The following TRDN variants were observed in gnomAD, a reference collection of about 807,000 sequenced individuals.
TRDN encodes the protein triadin.
TRDN carries 161 observed loss-of-function variants against 149.7 expected under a neutral mutation model. The ratio of observed to expected loss-of-function variants is 1.08; its 90% CI spans 0.95 to 1.23. TRDN has a LOEUF of 1.23. TRDN is among the 50% of genes most tolerant of loss of function. The probability of loss-of-function intolerance (pLI) is 0.00; values close to 1 mark genes in which losing one functional copy is unlikely to be tolerated. For synonymous variants in TRDN, 294 were observed against 250.5 expected (o/e 1.17, Z -1.64); for missense variants, 896 against 823.5 (o/e 1.09, Z -1.08).
At chr6:123,270,878 C>G (rs1246890311) in intron 30 of TRDN, among the ~76,000 whole-genome samples, 1 of 151,962 alleles carries the variant, frequency 6.6e-6, no homozygotes, top group Non-Finnish European at 1.5e-5. Flanking sequence ...TATAGATTTT[C>G]TCATGAATTA....
At chr6:123,576,366 C>G (rs967874887) in intron 1 of TRDN, among the ~76,000 whole-genome samples, 5 of 151,956 alleles carry the variant, frequency 3.3e-5, no homozygotes, top group Non-Finnish European at 7.4e-5. Context: ...ACCTTTTCTC[C>G]CAGGTTTTTG....
At chr6:123,225,014 T>A (rs1324142401) in intron 38 of TRDN, among the ~76,000 whole-genome samples, 3 of 151,748 alleles carry the variant, frequency 2.0e-5, no homozygotes, top group African/African-American at 7.3e-5. Flanking sequence ...CAAAGGAGGT[T>A]GATACCTAAA....
chr6:123,265,186 T>C lies in TRDN; in HGVS notation c.1804+132A>G, dbSNP rs187791886. 11 of 644,932 alleles carry C rather than the reference T, an allele frequency of 1.7e-5. No homozygotes were observed. In the East Asian group the frequency reaches 2.4e-4, roughly 14 times the overall value. The allele number at this position is 644,932 out of a possible 1,614,324, so 40.0% of individuals were successfully genotyped here. A position where few individuals can be genotyped will look rare whatever the true frequency, so the allele number is the denominator to read the frequency against. On this transcript the variant is annotated intron_variant, in intron 33 of 40. Transcript: ENST00000334268. ...ATCCTTTGTCAACCAGACTCACTTA[T>C]ATGGTAATAGTATAATGGCTATTAC...
At chr6:123,543,595 T>G (rs1780962393) in intron 4 of TRDN, among the ~76,000 whole-genome samples, 1 of 152,170 alleles carries the variant, frequency 6.6e-6, no homozygotes. Flanking sequence ...TTTTTCCCTT[T>G]TATATTTCTT....
chr6:123,533,589 C>T (rs1373701200), intron 4 of TRDN, among the ~76,000 whole-genome samples: 1 of 152,038 alleles, frequency 6.6e-6, no homozygotes, highest in Non-Finnish European at 1.5e-5. Flanking sequence ...GCAGGAGCTA[C>T]CTTGCTCCTC....
rs1361020090 is a variant in TRDN, at chr6:123,217,788, C to T, written c.*813G>A. The T allele has an allele frequency of 2.6e-5, 4 of 151,980 alleles. No homozygotes were observed. The highest frequency in any genetic ancestry group is 9.7e-5 in the African/African-American group (4 of 41,432). 9.4% of individuals were successfully genotyped at this position (151,980 alleles called of 1,614,324 possible). ...AAATTTAGTGATTGATCTAAAATTT[C>T]ACCCAGGTGACATTTTTATTAAGAC... On this transcript the variant is annotated 3_prime_UTR_variant, in exon 41 of 41. Transcript: ENST00000334268.
chr6:123,517,869 T>C (rs1054722462), intron 5 of TRDN, among the ~76,000 whole-genome samples: 8 of 152,184 alleles, frequency 5.3e-5, no homozygotes, highest in Non-Finnish European at 1.2e-4. Flanking sequence ...ATTTCAGCAA[T>C]TCAATAATAA....
chr6:123,510,031 C>G (rs1416669461), intron 7 of TRDN: 4 of 152,036 alleles, frequency 2.6e-5, no homozygotes, highest in Non-Finnish European at 5.9e-5. Flanking sequence ...AGATTTCATA[C>G]ATCTATCACA....
chr6:123,235,947 T>G lies in TRDN; in HGVS notation c.1976-11816A>C, dbSNP rs1039005851. On this transcript the variant is annotated intron_variant, in intron 38 of 40. Coordinates refer to ENST00000334268, the MANE Select transcript of TRDN (RefSeq NM_006073.4). ...TATCCATTTGCCTGTTGAAGGACAT[T>G]TGGGTTATTTCCAGATTTGGCGATT... is the stretch of plus-strand genomic sequence containing the variant. 2.6e-5 allele frequency among the ~76,000 whole-genome samples: 4 copies of G among 152,212 alleles called. No homozygotes were observed. The South Asian group carries it at 8.3e-4, about 31-fold the overall frequency.
intron 1 of TRDN, among the ~76,000 whole-genome samples, chr6:123,586,568 G>A (rs952298502): frequency 6.6e-6 from 1 of 152,182 alleles, no homozygotes; most frequent in East Asian, 1.9e-4. Context: ...GATCTTGAAG[G>A]ATGGAAAAAT....
intron 23 of TRDN, among the ~76,000 whole-genome samples, chr6:123,321,993 C>G (rs1305916592): frequency 6.6e-6 from 1 of 152,160 alleles, no homozygotes. Context: ...GCATCTGCTA[C>G]TACATAGCTT....
chr6:123,433,282 A>G (rs1046989299), intron 12 of TRDN, among the ~76,000 whole-genome samples: 1 of 151,094 alleles, frequency 6.6e-6, no homozygotes, highest in African/African-American at 2.4e-5. Flanking sequence ...TAATAATCTT[A>G]TCTATTTAAA....
chr6:123,488,594 A>G (rs1458689801), intron 9 of TRDN: 2 of 151,730 alleles, frequency 1.3e-5, no homozygotes, highest in Non-Finnish European at 2.9e-5. Context: ...AAGTATCTTA[A>G]TTTTCTCCAT....
At chr6:123,426,087 A>C (rs893976064) in intron 12 of TRDN, among the ~76,000 whole-genome samples, 5 of 152,110 alleles carry the variant, frequency 3.3e-5, no homozygotes, top group African/African-American at 9.7e-5. Flanking sequence ...TTTTCATAGA[A>C]GTATGAACAT....
At chr6:123,385,423 C>CA (rs71722709) in intron 14 of TRDN, among the ~76,000 whole-genome samples, 9 of 83,232 alleles carry the variant, frequency 1.1e-4, no homozygotes, top group Non-Finnish European at 1.8e-4. Context: ...GACTCCATCT[C>CA]AAAAAAAAAA....
intron 2 of TRDN, among the ~76,000 whole-genome samples, chr6:123,569,407 C>G (rs369046226): frequency 1.3e-5 from 2 of 152,162 alleles, no homozygotes; most frequent in East Asian, 1.9e-4. Flanking sequence ...AACTTCTGCC[C>G]ATTACCCAGT....
At chr6:123,621,597 A>G (rs914467116) in intron 1 of TRDN, among the ~76,000 whole-genome samples, 1 of 152,068 alleles carries the variant, frequency 6.6e-6, no homozygotes, top group Non-Finnish European at 1.5e-5. Flanking sequence ...AAAAATAACA[A>G]ACTCTAGCTA....
chr6:123,245,512 T>A (rs928191306), intron 38 of TRDN, among the ~76,000 whole-genome samples: 41 of 152,102 alleles, frequency 2.7e-4, no homozygotes, highest in Admixed American at 5.2e-4. Flanking sequence ...CATTACATAA[T>A]GGTAAAGGGA....
intron 19 of TRDN, among the ~76,000 whole-genome samples, chr6:123,368,502 A>T (rs1221262672): frequency 2.6e-5 from 4 of 152,190 alleles, no homozygotes; most frequent in African/African-American, 9.7e-5. Context: ...ATTCTAAGTT[A>T]ATGAGTCTGG....
Sources: gnomAD v4.1 joint callset for allele counts (sites outside exome capture counted in the v4.1 genomes callset) on GRCh38, gnomAD v4.1.1 for gene constraint, MANE v1.5 for transcripts, NCBI Gene and HGNC (gene_info 2026-07-23, HGNC 2026-07-21) for gene names.